PDZD2: variants seen among roughly 807,000 people sequenced by gnomAD.
PDZD2 encodes PDZ domain containing 2, also known as PDZ domain-containing protein 2.
Under a neutral mutation model 220.7 loss-of-function variants are expected in PDZD2, and 90 were observed. The ratio of observed to expected loss-of-function variants is 0.41; its 90% CI spans 0.34 to 0.49. The LOEUF (loss-of-function observed/expected upper bound fraction) is 0.49, where lower values mean the gene tolerates loss of function less well. Ranked by LOEUF, PDZD2 falls within the 20% of genes least tolerant of loss-of-function variation. PDZD2 has a pLI of 0.28. For missense variants in PDZD2, 3,174 were observed against 3,608.5 expected, an observed-to-expected ratio of 0.88 and a Z score of 3.08; for synonymous variants, 1,375 against 1,450.5, an observed-to-expected ratio of 0.95 and a Z score of 1.18.
At chr5:31,780,056 A>G (rs754464978) in intron 1 of PDZD2, among the ~76,000 whole-genome samples, 2 of 152,120 alleles carry the variant, frequency 1.3e-5, no homozygotes, top group Non-Finnish European at 2.9e-5. Context: ...TCCAGAGTCA[A>G]TAGTCCAGAG....
chr5:31,644,990 A>G (rs1745081749), intron 1 of PDZD2, among the ~76,000 whole-genome samples: 1 of 152,168 alleles, frequency 6.6e-6, no homozygotes, highest in Admixed American at 6.5e-5. Flanking sequence ...TGCACACACA[A>G]TTGTTGCGAG....
intron 24 of PDZD2, 129 bp downstream of exon 24, chr5:32,101,368 A>G (rs1744243441): frequency 1.2e-6 from 1 of 866,976 alleles, no homozygotes; most frequent in Non-Finnish European, 1.8e-6. Context: ...GTGACATACA[A>G]GGTTTATTCT....
chr5:31,875,621 A>G (rs952401724), intron 2 of PDZD2, among the ~76,000 whole-genome samples: 2 of 147,786 alleles, frequency 1.4e-5, no homozygotes, highest in Admixed American at 6.8e-5. Context: ...TTTTAAAAAT[A>G]TATGTTTAAA....
At chr5:31,805,058 G>A (rs1159229356) in intron 2 of PDZD2, among the ~76,000 whole-genome samples, 2 of 152,170 alleles carry the variant, frequency 1.3e-5, no homozygotes, top group African/African-American at 4.8e-5. Flanking sequence ...AGCCAGGTGT[G>A]GTGATGCATG....
At chr5:31,694,220 CATCTCTACTA>C (rs1240466455) in intron 1 of PDZD2, among the ~76,000 whole-genome samples, 1 of 151,966 alleles carries the variant, frequency 6.6e-6, no homozygotes, top group African/African-American at 2.4e-5. Flanking sequence ...GGTGAAACCC[CATCTCTACTA>C]AAAATACAAA....
intron 1 of PDZD2, among the ~76,000 whole-genome samples, chr5:31,761,708 A>G (rs1751664563): frequency 6.6e-6 from 1 of 152,072 alleles, no homozygotes; most frequent in Non-Finnish European, 1.5e-5. Flanking sequence ...TAAAAATACA[A>G]AAAGTAGCTG....
chr5:31,884,851 C>G (rs923342294), intron 2 of PDZD2, among the ~76,000 whole-genome samples: 2 of 152,098 alleles, frequency 1.3e-5, no homozygotes, highest in African/African-American at 4.8e-5. Context: ...CCATGTTGGC[C>G]AGGCTGGTTT....
intron 1 of PDZD2, among the ~76,000 whole-genome samples, chr5:31,790,082 C>G (rs1182796122): frequency 6.6e-6 from 1 of 152,170 alleles, no homozygotes; most frequent in Admixed American, 6.5e-5. Context: ...CCTTCCATGG[C>G]CCTTGCCTCT....
In PDZD2 at chr5:32,000,144, G is replaced by C; in HGVS notation, c.1127G>C (p.Gly376Ala). 6.2e-7 allele frequency: 1 copy of C among 1,613,906 alleles called. No individual in the cohort carries two copies. Among genetic ancestry groups the C allele is most frequent in the Non-Finnish European group, 8.5e-7 (1 of 1,179,848 alleles). ...VKEGGAAHRD[G>A]RLSLGDELLV... ...TCCCATCTCCCTTTCCTCAGGGATG[G>C]CAGGCTGTCCTTAGGAGATGAGCTG... Residue 376 changes from glycine (G) to alanine (A), a missense_variant, in exon 5 of 25, where the codon GGC (glycine) becomes GCC (alanine). Gly to Ala is a moderately conservative substitution (Grantham distance 60). Coordinates refer to ENST00000438447, the MANE Select transcript of PDZD2 (RefSeq NM_178140.4). This position sits in a 1 kb window ranked among gnomAD's most constrained non-coding sequence, Gnocchi z 4.5.
At chr5:31,976,722 T>C (rs1455847735) in intron 2 of PDZD2, among the ~76,000 whole-genome samples, 44 of 140,648 alleles carry the variant, frequency 3.1e-4, no homozygotes, top group African/African-American at 1.1e-3. Flanking sequence ...TTCTTTTTTT[T>C]TTTTTTTTTT....
At chr5:32,054,950 A>G (rs562172556) in intron 10 of PDZD2, among the ~76,000 whole-genome samples, 124 of 152,302 alleles carry the variant, frequency 8.1e-4, no homozygotes, top group Non-Finnish European at 1.5e-3. Flanking sequence ...GCAGAAGTGA[A>G]ATTTAAACCC....
chr5:31,796,492 A>G (rs1411456094), intron 1 of PDZD2, among the ~76,000 whole-genome samples: 1 of 152,060 alleles, frequency 6.6e-6, no homozygotes, highest in Non-Finnish European at 1.5e-5. Flanking sequence ...GTTAGTTCAA[A>G]AGCTATGACT....
rs187995176 is a variant in PDZD2, at chr5:31,923,356, C to T, written c.477-59799C>T. On this transcript the variant is annotated intron_variant, in intron 2 of 24. Transcript: ENST00000438447. The stretch of plus-strand genomic sequence containing the variant: ...TGTAAGGGGTCCTCCCTGTGCCACA[C>T]GGCCATCGCCATGGTGAAGCTGAGC... 1,817 of 1,047,104 alleles carry T rather than the reference C, an allele frequency of 1.7e-3. 1 individual carries two copies. Among genetic ancestry groups the T allele is most frequent in the Non-Finnish European group, 2.4e-3 (1,611 of 669,344 alleles). 64.9% of individuals were successfully genotyped at this position (1,047,104 alleles called of 1,614,324 possible). A position where few individuals can be genotyped will look rare whatever the true frequency, so the allele number is the denominator to read the frequency against.
chr5:32,093,500 G>A (rs74408483), intron 21 of PDZD2, among the ~76,000 whole-genome samples: 6,690 of 152,152 alleles, frequency 0.044, 229 homozygotes, highest in Non-Finnish European at 0.067. Flanking sequence ...ACTGACCTTC[G>A]AGCAGTGGAA....
intron 2 of PDZD2, among the ~76,000 whole-genome samples, chr5:31,827,358 G>A (rs191547227): frequency 2.6e-5 from 4 of 152,224 alleles, no homozygotes; most frequent in Admixed American, 6.5e-5. Context: ...GATTAATAAC[G>A]ATATGAAGGA....
At chr5:31,872,107 G>A (rs974036391) in intron 2 of PDZD2, among the ~76,000 whole-genome samples, 1 of 151,600 alleles carries the variant, frequency 6.6e-6, no homozygotes, top group African/African-American at 2.4e-5. Context: ...GGCATGTGTG[G>A]TATTTGGAGT....
chr5:31,740,742 A>AT (rs1446297315), intron 1 of PDZD2, among the ~76,000 whole-genome samples: 4 of 151,904 alleles, frequency 2.6e-5, no homozygotes, highest in Non-Finnish European at 5.9e-5. Context: ...AACAAGATGA[A>AT]TTTTTTCCCT....
At chr5:32,008,487 T>C (rs1236912604) in intron 5 of PDZD2, among the ~76,000 whole-genome samples, 1 of 152,102 alleles carries the variant, frequency 6.6e-6, no homozygotes, top group East Asian at 1.9e-4. Flanking sequence ...GGTTTCACCA[T>C]GTTGGCCAGG....
At chr5:31,964,409 C>T (rs546482452) in intron 2 of PDZD2, among the ~76,000 whole-genome samples, 1 of 152,326 alleles carries the variant, frequency 6.6e-6, no homozygotes, top group Admixed American at 6.5e-5. Context: ...TAATCTTGCA[C>T]CAGATAGTTA....
Sources: gnomAD v4.1 joint callset for allele counts (sites outside exome capture counted in the v4.1 genomes callset) on GRCh38, gnomAD v4.1.1 for gene constraint, Gnocchi (gnomAD v3.1) non-coding constraint, MANE v1.5 for transcripts, NCBI Gene and HGNC (gene_info 2026-07-23, HGNC 2026-07-21) for gene names.